The following SLC7A10 variants were observed in gnomAD, a reference collection of about 807,000 sequenced individuals.
SLC7A10 encodes solute carrier family 7 member 10, also known as asc-type amino acid transporter 1.
SLC7A10 carries 30 observed loss-of-function variants against 52.7 expected under a neutral mutation model. The observed-to-expected ratio is 0.57, with a 90% CI of 0.43 to 0.77. The LOEUF is 0.77. Ranked by LOEUF, SLC7A10 falls within the 30% of genes least tolerant of loss-of-function variation. The pLI is 0.00. For missense variants in SLC7A10, 581 were observed against 698.5 expected (o/e 0.83, Z 1.90); for synonymous variants, 318 against 314.9 (o/e 1.01, Z -0.10).
rs1328864653 is a variant in SLC7A10 at position 33,210,590 on chromosome 19, G to A, written c.1140C>T (p.Leu380=). The A allele has an allele frequency of 9.3e-6, 15 of 1,611,936 alleles. No individual in the cohort carries two copies. Among genetic ancestry groups the A allele is most frequent in the South Asian group, 2.2e-5 (2 of 91,076 alleles). ...TGATGAGCGTGTACGTGTCGCCCAC[G>A]AGCATGATGACGGCTGTGGCCCCGC... ...VCCGATAVIM[L]VGDTYTLINY... is the part of the protein sequence containing the mutation. Residue 380 remains leucine, a synonymous_variant, in exon 9 of 11, where the codon CTC becomes CTT. Transcript: ENST00000253188. This position sits in a 1 kb window ranked among gnomAD's most constrained non-coding sequence, Gnocchi z 5.6.
intron 1 of SLC7A10, 88 bp downstream of exon 1, chr19:33,225,465 C>A: frequency 1.3e-6 from 2 of 1,503,402 alleles, no homozygotes; most frequent in Non-Finnish European, 1.8e-6. Flanking sequence ...CCCGTCCGAG[C>A]GCCCGGAGAG....
chr19:33,221,298 G>C (rs1044658487), intron 1 of SLC7A10: 1 of 152,296 alleles, frequency 6.6e-6, no homozygotes, highest in Middle Eastern at 3.4e-3. Flanking sequence ...TGTTCATCTT[G>C]TTGCGGGACT....
intron 9 of SLC7A10, 136 bp from the exon 10 acceptor site, chr19:33,209,621 C>A (rs1568387094): frequency 2.2e-6 from 2 of 890,688 alleles, no homozygotes; most frequent in Non-Finnish European, 3.3e-6. Flanking sequence ...CACTACACCC[C>A]CTCTTGGCGA....
At chr19:33,217,219 C>T (rs1051185188) in intron 1 of SLC7A10, among the ~76,000 whole-genome samples, 2 of 151,426 alleles carry the variant, frequency 1.3e-5, no homozygotes, top group Non-Finnish European at 1.5e-5. Flanking sequence ...CACTATGTTG[C>T]TGAGGCTGGT....
intron 1 of SLC7A10, among the ~76,000 whole-genome samples, chr19:33,218,949 GC>G (rs1292207525): frequency 6.6e-6 from 1 of 151,868 alleles, no homozygotes; most frequent in East Asian, 1.9e-4. Context: ...CAATGAAGAA[GC>G]CCAGCCGTTG....
chr19:33,222,226 C>A (rs1163783003), intron 1 of SLC7A10, among the ~76,000 whole-genome samples: 1 of 151,842 alleles, frequency 6.6e-6, no homozygotes, highest in East Asian at 1.9e-4. Context: ...TGGCAAAACC[C>A]AGTCTCTACA....
At chr19:33,215,606 AGCCCCCACACCTTCTCTCCATCCAC>A (rs1292423927) in intron 2 of SLC7A10, among the ~76,000 whole-genome samples, 138 bp downstream of exon 2, 3 of 106,168 alleles carry the variant, frequency 2.8e-5, no homozygotes, top group African/African-American at 7.5e-5. Context: ...CTCTCCATCC[AGCCCCCACACCTTCTCTCCATCCAC>A]CCCCCACACC....
Position 33,215,932 on chromosome 19 carries a change from C to T in SLC7A10, c.193G>A (p.Val65Ile). ...CCCACGGAGCCTGAGTGCTCCAGGA[C>T]CCCCTTGGGCGAGATGAAGATGCCC... Reference protein sequence around the residue: ...GSGIFISPKGVLEHSGSVGLA... With the variant: ...GSGIFISPKGILEHSGSVGLA... Residue 65 changes from valine (V) to isoleucine (I), a missense_variant, in exon 2 of 11, where the codon GTC (valine) becomes ATC (isoleucine). Physicochemically the swap from Val to Ile is conservative, Grantham distance 29. Transcript: ENST00000253188. 3 of 1,598,646 alleles carry T rather than the reference C, an allele frequency of 1.9e-6. No individual in the cohort carries two copies. Among genetic ancestry groups the T allele is most frequent in the East Asian group, 4.5e-5 (2 of 44,390 alleles).
chr19:33,212,247 G>A (rs1414763248), intron 5 of SLC7A10, 45 bp downstream of exon 5: 1 of 1,566,898 alleles, frequency 6.4e-7, no homozygotes, highest in East Asian at 2.4e-5. Context: ...TGTCCCACCA[G>A]AGGGCCTGGC....
chr19:33,211,336 G>T lies in SLC7A10; in HGVS notation c.913-8C>A, dbSNP rs527258250. 9 of 1,614,030 alleles carry T rather than the reference G, an allele frequency of 5.6e-6. No homozygotes were observed. The highest frequency in any genetic ancestry group is 7.6e-6 in the Non-Finnish European group (9 of 1,179,990). ...CAGCTTCTCCCCGAAGGTCTGGGTGGGCACAGTAGAGAGGCCATGTGTAAG... is the reference window on the plus strand; with the variant it reads ...CAGCTTCTCCCCGAAGGTCTGGGTGTGCACAGTAGAGAGGCCATGTGTAAG... On this transcript the variant is annotated splice_region_variant and splice_polypyrimidine_tract_variant and intron_variant, in intron 6 of 10. Transcript: ENST00000253188.
chr19:33,209,096 T>C (rs549115402), intron 10 of SLC7A10, 75 bp from the exon 11 acceptor site: 9 of 1,601,386 alleles, frequency 5.6e-6, no homozygotes, highest in South Asian at 5.6e-5. Flanking sequence ...ACACCTCCCC[T>C]TGGGCAGGGG....
At chr19:33,219,730 G>C (rs971464156) in intron 1 of SLC7A10, among the ~76,000 whole-genome samples, 1 of 152,212 alleles carries the variant, frequency 6.6e-6, no homozygotes, top group African/African-American at 2.4e-5. Flanking sequence ...CCCTCACTGT[G>C]GCAGGCCTCT....
Position 33,212,854 on chromosome 19 carries a change from G to GT in SLC7A10, c.504_505insA (p.Leu169ThrfsTer92). On this transcript the variant is annotated frameshift_variant, in exon 3 of 11. Transcript: ENST00000253188. LOFTEE classifies it high-confidence loss of function. ...GTGGGCCAAAGGGGATGCTTACTCA[G>GT]GCAGGCCATGGACAGCACCCGGGAG... 1 of 1,613,780 alleles carries GT rather than the reference G, an allele frequency of 6.2e-7. No homozygotes were observed. Among genetic ancestry groups the GT allele is most frequent in the Non-Finnish European group, 8.5e-7 (1 of 1,179,768 alleles).
rs527258250 is a variant in SLC7A10, at chr19:33,211,336, G to A, written c.913-8C>T. 1.2e-6 allele frequency: 2 copies of A among 1,614,030 alleles called. No individual in the cohort carries two copies. Among genetic ancestry groups the A allele is most frequent in the African/African-American group, 2.7e-5 (2 of 75,044 alleles). On this transcript the variant is annotated splice_region_variant and splice_polypyrimidine_tract_variant and intron_variant, in intron 6 of 10. Transcript: ENST00000253188. The stretch of plus-strand genomic sequence containing the variant: ...CAGCTTCTCCCCGAAGGTCTGGGTG[G>A]GCACAGTAGAGAGGCCATGTGTAAG...
intron 10 of SLC7A10, 36 bp from the exon 11 acceptor site, chr19:33,209,057 C>T (rs955721882): frequency 8.1e-6 from 13 of 1,611,888 alleles, no homozygotes; most frequent in East Asian, 2.2e-5. Flanking sequence ...GGCCTGACCT[C>T]TCGGGATAGG....
intron 1 of SLC7A10, among the ~76,000 whole-genome samples, chr19:33,219,080 T>G (rs1974759462): frequency 6.6e-6 from 1 of 151,810 alleles, no homozygotes. Context: ...ACCAGAGAGA[T>G]GTAGGTTCTG....
chr19:33,211,052 T>C, intron 7 of SLC7A10, 154 bp from the exon 8 acceptor site: 1 of 972,782 alleles, frequency 1.0e-6, no homozygotes, highest in East Asian at 2.6e-5. Flanking sequence ...TGCCTCTTGC[T>C]TTCTTTGCCT....
intron 2 of SLC7A10, among the ~76,000 whole-genome samples, chr19:33,215,467 C>T (rs1336873606): frequency 6.6e-6 from 1 of 151,960 alleles, no homozygotes; most frequent in East Asian, 1.9e-4. Flanking sequence ...TCAGAGGGAC[C>T]TCTATTTAAA....
chr19:33,210,551 G>A lies in SLC7A10; in HGVS notation c.1179C>T (p.Phe393=). ...DTYTLINYVS[F]INYLCYGVTI... The stretch of plus-strand genomic sequence containing the variant: ...TGACGCCGTAGCAGAGGTAGTTGAT[G>A]AAGGACACATAGTTGATGAGCGTGT... Residue 393 remains phenylalanine (F), a synonymous_variant, in exon 9 of 11, where the codon TTC becomes TTT. Transcript: ENST00000253188. This position sits in a 1 kb window ranked among gnomAD's most constrained non-coding sequence, Gnocchi z 5.6. 6 of 1,612,260 alleles carry A rather than the reference G, an allele frequency of 3.7e-6. No homozygotes were observed. The highest frequency in any genetic ancestry group is 4.2e-6 in the Non-Finnish European group (5 of 1,179,958).
Sources: gnomAD v4.1 joint callset for allele counts (sites outside exome capture counted in the v4.1 genomes callset) on GRCh38, gnomAD v4.1.1 for gene constraint, Gnocchi (gnomAD v3.1) non-coding constraint, MANE v1.5 for transcripts, NCBI Gene and HGNC (gene_info 2026-07-23, HGNC 2026-07-21) for gene names.